Variants in CRYBG3 observed in about 807,000 individuals in gnomAD.
CRYBG3 encodes the protein very large A-kinase anchor protein.
A neutral mutation model predicts 244.2 loss-of-function variants in CRYBG3; 127 were observed. That is an observed-to-expected ratio of 0.52 (90% CI 0.45 to 0.60). The LOEUF is 0.60. Among genes scored for constraint, CRYBG3 ranks in the 20% least tolerant of loss-of-function variants. CRYBG3 has a pLI of 0.00. For missense variants in CRYBG3, 3,325 were observed against 3,442.5 expected (o/e 0.97, Z 0.85); for synonymous variants, 1,132 against 1,195.8 (o/e 0.95, Z 1.10).
In CRYBG3 at chr3:97,873,857, CAATT is replaced by C; in HGVS notation, c.2667_2670del (p.Asn890IlefsTer4). The C allele has an allele frequency of 6.5e-7, 1 of 1,535,294 alleles. No homozygotes were observed. Among genetic ancestry groups the C allele is most frequent in the Non-Finnish European group, 8.7e-7 (1 of 1,146,622 alleles). ...GTTGAACAGGGCAAACGTTTTCAAT[CAATT>C]AATCATAATGAGATAGGAGAGAAAT... On this transcript the variant is annotated frameshift_variant, in exon 4 of 22. Coordinates refer to ENST00000389622, the MANE Select transcript of CRYBG3 (RefSeq NM_153605.4). LOFTEE classifies it high-confidence loss of function.
chr3:97,886,794 G>A (rs752703868), intron 8 of CRYBG3, 27 bp downstream of exon 8: 2 of 1,509,250 alleles, frequency 1.3e-6, no homozygotes, highest in Non-Finnish European at 1.8e-6. Context: ...TTTTATTATA[G>A]TGATTGATGG....
At chr3:97,909,394 A>G (rs1202214038) in intron 15 of CRYBG3, among the ~76,000 whole-genome samples, 7 of 148,760 alleles carry the variant, frequency 4.7e-5, no homozygotes, top group East Asian at 2.0e-4. Flanking sequence ...CCAATCAGAC[A>G]TAGATTTGGT....
intron 17 of CRYBG3, among the ~76,000 whole-genome samples, chr3:97,930,929 GTTCATCCTTTCC>G (rs1290566041): frequency 7.2e-5 from 11 of 152,000 alleles, no homozygotes; most frequent in Non-Finnish European, 1.3e-4. Context: ...CAGAGGTGGA[GTTCATCCTTTCC>G]AAAGTGATCT....
chr3:97,943,031 T>C (rs182418356), intron 21 of CRYBG3, 195 bp from the exon 22 acceptor site: 596 of 551,578 alleles, frequency 1.1e-3, no homozygotes, highest in Non-Finnish European at 1.6e-3. Context: ...GTATTTCAAT[T>C]TGAGTCATAA....
chr3:97,842,979 A>G (rs1392879119), intron 1 of CRYBG3, among the ~76,000 whole-genome samples: 4 of 152,234 alleles, frequency 2.6e-5, no homozygotes, highest in Non-Finnish European at 5.9e-5. Flanking sequence ...TATGAGGCAC[A>G]ATGAGTTCAC....
chr3:97,905,077 C>G (rs1250229606), intron 15 of CRYBG3, among the ~76,000 whole-genome samples: 1 of 152,098 alleles, frequency 6.6e-6, no homozygotes, highest in Non-Finnish European at 1.5e-5. Context: ...ATGAACTCAT[C>G]ATTTTTTATG....
intron 12 of CRYBG3, among the ~76,000 whole-genome samples, chr3:97,897,037 T>C (rs1228174061): frequency 6.6e-6 from 1 of 152,114 alleles, no homozygotes; most frequent in African/African-American, 2.4e-5. Context: ...CTCCAGGGAC[T>C]AGGGAATTTT....
intron 14 of CRYBG3, 55 bp from the exon 15 acceptor site, chr3:97,900,398 C>A: frequency 8.8e-7 from 1 of 1,138,270 alleles, no homozygotes; most frequent in Non-Finnish European, 1.2e-6. Flanking sequence ...TCAAAACTTT[C>A]AAAAAGACAG....
At chr3:97,884,560 AG>A (rs1440259704) in intron 7 of CRYBG3, among the ~76,000 whole-genome samples, 1 of 152,182 alleles carries the variant, frequency 6.6e-6, no homozygotes, top group Non-Finnish European at 1.5e-5. Context: ...TGAAAAGTGT[AG>A]CAGGACTACG....
At position 97,864,759 on chromosome 3, in the gene CRYBG3, T is replaced by C. The variant is rs376337185; in HGVS notation, c.647+112T>C. 1.7e-4 allele frequency: 114 copies of C among 684,026 alleles called. No homozygotes were observed. In the African/African-American group the frequency reaches 1.7e-3, roughly 10 times the overall value. The allele number at this position is 684,026 out of a possible 1,614,324, so 42.4% of individuals were successfully genotyped here. A position where few individuals can be genotyped will look rare whatever the true frequency, so the allele number is the denominator to read the frequency against. On this transcript the variant is annotated intron_variant, in intron 3 of 21. Coordinates refer to ENST00000389622, the MANE Select transcript of CRYBG3 (RefSeq NM_153605.4). ...GGATTGGAAAAGATATTCTGTAGTG[T>C]CCCTACTACTGGGTAAGAAATTGTA...
intron 1 of CRYBG3, among the ~76,000 whole-genome samples, chr3:97,834,128 A>G (rs1432342776): frequency 6.6e-6 from 1 of 152,140 alleles, no homozygotes; most frequent in East Asian, 1.9e-4. Flanking sequence ...GAATTTCAAC[A>G]TGAACTTTGG....
intron 4 of CRYBG3, 137 bp from the exon 5 acceptor site, chr3:97,879,567 A>T (rs2039421813): frequency 1.7e-6 from 1 of 598,784 alleles, no homozygotes; most frequent in East Asian, 2.9e-5. Flanking sequence ...TATCACTTGT[A>T]TCGAGAGAAG....
chr3:97,823,782 G>C (rs1407624091), intron 1 of CRYBG3, among the ~76,000 whole-genome samples: 1 of 152,220 alleles, frequency 6.6e-6, no homozygotes, highest in African/African-American at 2.4e-5. Flanking sequence ...GAACTTGAGA[G>C]TCAGTGTTAG....
intron 2 of CRYBG3, among the ~76,000 whole-genome samples, chr3:97,862,402 C>T (rs895244560): frequency 2.0e-4 from 30 of 152,116 alleles, no homozygotes; most frequent in African/African-American, 4.8e-4. Flanking sequence ...GCCTGTAGTT[C>T]GCTTTCTTCA....
chr3:97,842,350 G>A (rs968958616), intron 1 of CRYBG3, among the ~76,000 whole-genome samples: 2 of 151,994 alleles, frequency 1.3e-5, no homozygotes, highest in African/African-American at 4.8e-5. Context: ...ATCACTTAAG[G>A]CCAGGAGTTC....
Position 97,876,507 on chromosome 3 carries a change from AGGTTT to A in CRYBG3, c.5314_5318del (p.Gly1772TyrfsTer5). Reference sequence around the variant, plus strand: ...TAAATACTTACCAAAAAAATGCCAAAGGTTTTACCGGGAACACTGAAGGGTCTGTG... The same window carrying A: ...TAAATACTTACCAAAAAAATGCCAAATACCGGGAACACTGAAGGGTCTGTG... On this transcript the variant is annotated frameshift_variant, in exon 4 of 22. Transcript: ENST00000389622. LOFTEE classifies it high-confidence loss of function. The A allele has an allele frequency of 8.1e-7, 1 of 1,232,238 alleles. No homozygotes were observed. The highest frequency in any genetic ancestry group is 1.0e-6 in the Non-Finnish European group (1 of 988,006). The allele number at this position is 1,232,238 out of a possible 1,614,324, so 76.3% of individuals were successfully genotyped here.
intron 15 of CRYBG3, among the ~76,000 whole-genome samples, chr3:97,911,029 C>T (rs2039865909): frequency 6.6e-6 from 1 of 152,146 alleles, no homozygotes; most frequent in South Asian, 2.1e-4. Flanking sequence ...TGTGGTTTCA[C>T]AGTAGGAAGT....
At chr3:97,898,805 G>C in intron 12 of CRYBG3, 78 bp from the exon 13 acceptor site, 1 of 1,005,004 alleles carries the variant, frequency 1.0e-6, no homozygotes, top group Non-Finnish European at 1.4e-6. Context: ...CCATCAGTAT[G>C]TGATATTTTG....
At chr3:97,890,719 T>C (rs1375435896) in intron 10 of CRYBG3, among the ~76,000 whole-genome samples, 1 of 152,180 alleles carries the variant, frequency 6.6e-6, no homozygotes, top group Non-Finnish European at 1.5e-5. Context: ...CCTTTTGATT[T>C]AGTGTTTTTA....
Sources: gnomAD v4.1 joint callset for allele counts (sites outside exome capture counted in the v4.1 genomes callset) on GRCh38, gnomAD v4.1.1 for gene constraint, MANE v1.5 for transcripts, NCBI Gene and HGNC (gene_info 2026-07-23, HGNC 2026-07-21) for gene names.